FOXN3: variants seen among roughly 807,000 people sequenced by gnomAD.
FOXN3 encodes forkhead box N3, also known as forkhead box protein N3.
In FOXN3, 7 loss-of-function variants were observed where a neutral mutation model predicts 38.4. The observed-to-expected ratio is 0.18, with a 90% CI of 0.10 to 0.34. The LOEUF is 0.34. FOXN3 is among the 10% of genes least tolerant of loss of function. FOXN3 has a pLI of 1.00. For missense variants in FOXN3, 456 were observed against 613.4 expected (o/e 0.74, Z 2.71); for synonymous variants, 230 against 242.2 (o/e 0.95, Z 0.47).
chr14:89,181,367 T>C (rs1287539378), intron 4 of FOXN3, among the ~76,000 whole-genome samples: 1 of 152,232 alleles, frequency 6.6e-6, no homozygotes, highest in Non-Finnish European at 1.5e-5. Flanking sequence ...TGCTTTGCCA[T>C]GGGCAGAAGC....
intron 1 of FOXN3, among the ~76,000 whole-genome samples, chr14:89,512,646 C>T (rs1894115816): frequency 6.6e-6 from 1 of 152,244 alleles, no homozygotes; most frequent in Non-Finnish European, 1.5e-5. Flanking sequence ...TTATGCCTTG[C>T]TTTTAGGTAA....
chr14:89,258,788 G>A (rs1226755739), intron 4 of FOXN3, among the ~76,000 whole-genome samples: 12 of 152,174 alleles, frequency 7.9e-5, no homozygotes, highest in Non-Finnish European at 1.3e-4. Flanking sequence ...GGTTTAAAAC[G>A]AGTATGAAGG....
At chr14:89,604,657 C>G (rs937911708) in intron 1 of FOXN3, among the ~76,000 whole-genome samples, 3 of 152,244 alleles carry the variant, frequency 2.0e-5, no homozygotes, top group South Asian at 2.1e-4. Context: ...GATGAGAAAG[C>G]CAATCCACAA....
chr14:89,434,902 T>C (rs4904577), intron 1 of FOXN3, among the ~76,000 whole-genome samples: 151,480 of 152,318 alleles, frequency 0.99, 75,330 homozygotes, highest in Middle Eastern at 1. Context: ...CCACTGACCC[T>C]CACACCAGAA....
At chr14:89,401,761 G>A (rs1213938517) in intron 2 of FOXN3, 4 of 420,770 alleles carry the variant, frequency 9.5e-6, no homozygotes, top group Admixed American at 5.1e-5. Flanking sequence ...CCTGTCCCTC[G>A]AGGAGGACAG....
At chr14:89,513,947 C>CACGT (rs1480621601) in intron 1 of FOXN3, among the ~76,000 whole-genome samples, 1 of 152,032 alleles carries the variant, frequency 6.6e-6, no homozygotes, top group Non-Finnish European at 1.5e-5. Context: ...CACACGCACG[C>CACGT]ACACACGCCC....
chr14:89,190,962 T>C (rs1242376715), intron 4 of FOXN3, among the ~76,000 whole-genome samples: 1 of 152,074 alleles, frequency 6.6e-6, no homozygotes, highest in Non-Finnish European at 1.5e-5. Flanking sequence ...TTTGTAACAG[T>C]GGTGTGGATG....
intron 1 of FOXN3, among the ~76,000 whole-genome samples, chr14:89,433,395 T>C (rs1226242484): frequency 1.3e-5 from 2 of 152,170 alleles, no homozygotes; most frequent in Admixed American, 1.3e-4. Flanking sequence ...GGCAGAAGAA[T>C]CGCTTGAACT....
chr14:89,180,863 G>A (rs1334762919), intron 4 of FOXN3, 57 bp from the exon 5 acceptor site: 12 of 1,425,898 alleles, frequency 8.4e-6, no homozygotes, highest in Middle Eastern at 1.8e-4. Context: ...GAAGATTTCC[G>A]TTCCAAGTCA....
intron 4 of FOXN3, among the ~76,000 whole-genome samples, chr14:89,191,973 T>TATATATATAA (rs1481298307): frequency 2.1e-4 from 28 of 135,180 alleles, no homozygotes; most frequent in African/African-American, 8.8e-4. Flanking sequence ...CACATATATA[T>TATATATATAA]AACTATAATA....
chr14:89,511,480 A>C (rs1377836153), intron 1 of FOXN3, among the ~76,000 whole-genome samples: 1 of 151,492 alleles, frequency 6.6e-6, no homozygotes, highest in Non-Finnish European at 1.5e-5. Flanking sequence ...TTTTTTGTAG[A>C]GATAGGGTTT....
intron 1 of FOXN3, among the ~76,000 whole-genome samples, chr14:89,587,008 T>C (rs558257749): frequency 6.6e-6 from 1 of 152,378 alleles, no homozygotes; most frequent in East Asian, 1.9e-4. Context: ...TAGAGATCTC[T>C]TTTAAAGAAC....
intron 4 of FOXN3, among the ~76,000 whole-genome samples, chr14:89,208,930 A>G (rs1484172315): frequency 6.6e-6 from 1 of 152,200 alleles, no homozygotes; most frequent in African/African-American, 2.4e-5. Flanking sequence ...CCTTCCAGAG[A>G]AACACAGAAG....
At chr14:89,279,075 A>G (rs1886384052) in intron 4 of FOXN3, among the ~76,000 whole-genome samples, 1 of 151,748 alleles carries the variant, frequency 6.6e-6, no homozygotes, top group South Asian at 2.1e-4. Flanking sequence ...CCAGAACTCT[A>G]GGGAATGAAG....
In FOXN3 at chr14:89,368,248, T is replaced by G. The variant is rs530830821; in HGVS notation, c.544-17440A>C. On this transcript the variant is annotated intron_variant, in intron 2 of 5. Coordinates refer to ENST00000557258, the MANE Select transcript of FOXN3 (RefSeq NM_005197.4). ...GGGAGGCTGAGGCAGAAGAATCGCT[T>G]GAACCCAGGAGGCGGAGGTTGCAGT... 9.3e-5 allele frequency among the ~76,000 whole-genome samples: 14 copies of G among 151,260 alleles called. No homozygotes were observed. The South Asian group carries it at 2.1e-3, about 23-fold the overall frequency.
Position 89,395,696 on chromosome 14 carries a change from T to C in FOXN3, c.543+16238A>G, listed in dbSNP as rs917570427. 5.9e-5 allele frequency among the ~76,000 whole-genome samples: 9 copies of C among 152,266 alleles called. No homozygotes were observed. The South Asian group carries it at 8.3e-4, about 14-fold the overall frequency. On this transcript the variant is annotated intron_variant, in intron 2 of 5. Transcript: ENST00000557258. ...ATTAGCTGGATGGATGAACAAGTTA[T>C]GAGAAAGTTTAGGATACCACACAGG...
At chr14:89,495,760 C>G (rs1893666514) in intron 1 of FOXN3, among the ~76,000 whole-genome samples, 1 of 152,216 alleles carries the variant, frequency 6.6e-6, no homozygotes, top group South Asian at 2.1e-4. Flanking sequence ...TTTCATTTGA[C>G]TCTCATGAGA....
At chr14:89,215,896 A>G (rs963232685) in intron 4 of FOXN3, among the ~76,000 whole-genome samples, 2 of 152,218 alleles carry the variant, frequency 1.3e-5, no homozygotes, top group South Asian at 2.1e-4. Context: ...CCTTGTATCT[A>G]AAACTCTTCA....
At chr14:89,224,017 A>C (rs1884553759) in intron 4 of FOXN3, among the ~76,000 whole-genome samples, 1 of 151,838 alleles carries the variant, frequency 6.6e-6, no homozygotes, top group Admixed American at 6.5e-5. Context: ...AGAATAACAG[A>C]CCAGCCTTGA....
Sources: gnomAD v4.1 joint callset for allele counts (sites outside exome capture counted in the v4.1 genomes callset) on GRCh38, gnomAD v4.1.1 for gene constraint, MANE v1.5 for transcripts, NCBI Gene and HGNC (gene_info 2026-07-23, HGNC 2026-07-21) for gene names.